The following SPAG16 variants were observed in gnomAD, a reference collection of about 807,000 sequenced individuals.
SPAG16 encodes sperm associated antigen 16.
A neutral mutation model predicts 80.4 loss-of-function variants in SPAG16; 86 were observed. That is an observed-to-expected ratio of 1.07 (90% CI 0.90 to 1.28). The LOEUF (loss-of-function observed/expected upper bound fraction) is 1.28. Ranked by LOEUF, SPAG16 falls within the 50% of genes most tolerant of loss-of-function variation. The pLI is 0.00. For missense variants in SPAG16, 870 were observed against 765.3 expected (o/e 1.14, Z -1.61); for synonymous variants, 294 against 265.9 (o/e 1.11, Z -1.03).
intron 10 of SPAG16, among the ~76,000 whole-genome samples, chr2:213,625,636 G>T (rs2061934713): frequency 6.6e-6 from 1 of 151,648 alleles, no homozygotes; most frequent in East Asian, 1.9e-4. Flanking sequence ...TTTAATATTT[G>T]ACTAAAAGTC....
chr2:214,095,538 G>A (rs59608529), intron 13 of SPAG16, among the ~76,000 whole-genome samples: 37,096 of 151,858 alleles, frequency 0.24, 4,732 homozygotes, highest in East Asian at 0.31. Flanking sequence ...TTTGTTGAGC[G>A]AAGGAAAGCC....
intron 14 of SPAG16, among the ~76,000 whole-genome samples, chr2:214,125,710 A>C (rs2054440628): frequency 6.6e-6 from 1 of 151,784 alleles, no homozygotes; most frequent in Non-Finnish European, 1.5e-5. Flanking sequence ...GAAGAAAGAT[A>C]TGGCACCTTT....
intron 15 of SPAG16, among the ~76,000 whole-genome samples, chr2:214,319,362 T>G (rs923996259): frequency 6.6e-6 from 1 of 152,046 alleles, no homozygotes; most frequent in African/African-American, 2.4e-5. Context: ...AGGGAAAGAA[T>G]GAAACCAGGG....
chr2:214,237,392 A>G (rs1381185006), intron 15 of SPAG16, among the ~76,000 whole-genome samples: 1 of 152,072 alleles, frequency 6.6e-6, no homozygotes, highest in Non-Finnish European at 1.5e-5. Context: ...ATTACCATAC[A>G]TGTAATCATT....
intron 10 of SPAG16, among the ~76,000 whole-genome samples, chr2:213,588,660 G>C (rs1364297942): frequency 4.0e-5 from 6 of 150,812 alleles, no homozygotes; most frequent in Non-Finnish European, 8.9e-5. Flanking sequence ...AAATCAGCCG[G>C]GCGCGGTGGC....
intron 6 of SPAG16, among the ~76,000 whole-genome samples, chr2:213,341,539 T>G (rs1190756312): frequency 6.6e-6 from 1 of 152,142 alleles, no homozygotes; most frequent in African/African-American, 2.4e-5. Flanking sequence ...TGTTGTTTTG[T>G]TTTGCTTTTT....
At chr2:214,121,434 T>C (rs908861775) in intron 14 of SPAG16, among the ~76,000 whole-genome samples, 6 of 151,840 alleles carry the variant, frequency 4.0e-5, no homozygotes, top group Non-Finnish European at 5.9e-5. Context: ...CTCTGTACAA[T>C]TGTCCAATTT....
chr2:213,312,231 G>A (rs2063217937), intron 4 of SPAG16, among the ~76,000 whole-genome samples: 1 of 151,628 alleles, frequency 6.6e-6, no homozygotes. Flanking sequence ...CCAGAACATA[G>A]TAGGAATTTG....
At chr2:214,110,926 A>G (rs1169028082) in intron 14 of SPAG16, among the ~76,000 whole-genome samples, 3 of 151,400 alleles carry the variant, frequency 2.0e-5, no homozygotes, top group East Asian at 1.9e-4. Flanking sequence ...CTGCATAAGT[A>G]TCTTCTTTTG....
chr2:213,845,711 A>C (rs866669758), intron 10 of SPAG16, among the ~76,000 whole-genome samples: 19 of 152,222 alleles, frequency 1.2e-4, no homozygotes, highest in African/African-American at 4.1e-4. Context: ...TCAGTGGCAC[A>C]CAATAGTAAG....
At chr2:214,363,212 C>T (rs1295854488) in intron 15 of SPAG16, among the ~76,000 whole-genome samples, 2 of 151,852 alleles carry the variant, frequency 1.3e-5, no homozygotes, top group African/African-American at 4.8e-5. Context: ...CTAGAAGTCT[C>T]GATGTACTAC....
chr2:213,924,337 A>G (rs4672696), intron 11 of SPAG16, among the ~76,000 whole-genome samples: 88,917 of 152,022 alleles, frequency 0.58, 27,822 homozygotes, highest in South Asian at 0.84. Context: ...AGGTCTCTGC[A>G]GAGAGCATGA....
chr2:214,175,673 T>A (rs1484309602), intron 15 of SPAG16, among the ~76,000 whole-genome samples: 1 of 151,552 alleles, frequency 6.6e-6, no homozygotes, highest in African/African-American at 2.4e-5. Context: ...ACAATATATA[T>A]GCTTTTAAAA....
intron 12 of SPAG16, among the ~76,000 whole-genome samples, chr2:214,000,554 C>A (rs538265668): frequency 2.0e-4 from 31 of 152,286 alleles, no homozygotes; most frequent in Admixed American, 8.5e-4. Flanking sequence ...CCACTCTGGG[C>A]TAGCTATGTA....
intron 12 of SPAG16, among the ~76,000 whole-genome samples, chr2:213,944,307 A>G (rs1355973649): frequency 6.6e-6 from 1 of 152,246 alleles, no homozygotes; most frequent in African/African-American, 2.4e-5. Flanking sequence ...GAGGCAGAGC[A>G]TCATCAAGTC....
chr2:213,592,497 T>C (rs577434455), intron 10 of SPAG16, among the ~76,000 whole-genome samples: 2 of 152,358 alleles, frequency 1.3e-5, no homozygotes, highest in South Asian at 4.1e-4. Flanking sequence ...CAAGTATTTT[T>C]AAAACTAAAT....
chr2:214,087,648 AGAG>A (rs1163486633), intron 13 of SPAG16, among the ~76,000 whole-genome samples: 1 of 152,166 alleles, frequency 6.6e-6, no homozygotes, highest in African/African-American at 2.4e-5. Flanking sequence ...ACAGAAAGCC[AGAG>A]GAGATGAGAA....
intron 10 of SPAG16, among the ~76,000 whole-genome samples, chr2:213,800,460 G>T (rs1309285683): frequency 6.6e-6 from 1 of 151,688 alleles, no homozygotes; most frequent in Non-Finnish European, 1.5e-5. Flanking sequence ...TCAAACTCCT[G>T]GGTTTGAGCG....
chr2:214,371,070 T>A (rs570184335), intron 15 of SPAG16, among the ~76,000 whole-genome samples: 1 of 152,292 alleles, frequency 6.6e-6, no homozygotes, highest in East Asian at 1.9e-4. Flanking sequence ...CATTGTCAGT[T>A]TCAGAGATTA....
Sources: gnomAD v4.1 joint callset for allele counts (sites outside exome capture counted in the v4.1 genomes callset) on GRCh38, gnomAD v4.1.1 for gene constraint, MANE v1.5 for transcripts, NCBI Gene and HGNC (gene_info 2026-07-23, HGNC 2026-07-21) for gene names.